The following AGFG2 variants were observed in gnomAD, a reference collection of about 807,000 sequenced individuals.
AGFG2 encodes the protein ArfGAP with FG repeats 2.
AGFG2 carries 31 observed loss-of-function variants against 48.0 expected under a neutral mutation model. The ratio of observed to expected loss-of-function variants is 0.65; its 90% confidence interval spans 0.49 to 0.87. The LOEUF is 0.87. AGFG2 is among the 40% of genes least tolerant of loss of function. The pLI, the probability that AGFG2 is intolerant of heterozygous loss-of-function variation, is 0.00. For missense variants in AGFG2, 599 were observed against 632.6 expected (o/e 0.95, Z 0.57); for synonymous variants, 229 against 260.8 (o/e 0.88, Z 1.18).
chr7:100,565,886 G>C lies in AGFG2; in HGVS notation c.*895G>C, dbSNP rs1213603270. 2 of 98,750 alleles carry C rather than the reference G, an allele frequency of 2.0e-5. No homozygotes were observed. The highest frequency in any genetic ancestry group is 3.7e-5 in the Non-Finnish European group (2 of 53,878). 6.1% of individuals were successfully genotyped at this position (98,750 alleles called of 1,614,324 possible). A position where few individuals can be genotyped will look rare whatever the true frequency, so the allele number is the denominator to read the frequency against. ...AGGGAAAGGCTTTGTGCAATTGCCTGGTCTTTTTTTTTTTTTTTTTTTCTC... is the reference window on the plus strand; with the variant it reads ...AGGGAAAGGCTTTGTGCAATTGCCTCGTCTTTTTTTTTTTTTTTTTTTCTC... On this transcript the variant is annotated 3_prime_UTR_variant, in exon 12 of 12. Transcript: ENST00000300176.
chr7:100,565,073 C>A lies in AGFG2; in HGVS notation c.*82C>A. On this transcript the variant is annotated 3_prime_UTR_variant, in exon 12 of 12. Transcript: ENST00000300176. The stretch of plus-strand genomic sequence containing the variant: ...GCTCTGGTGACCACTTGCCTGTGGG[C>A]ATTTCTATGGGCCTTGGGGATGGTG... The A allele has an allele frequency of 6.9e-7, 1 of 1,455,818 alleles. No individual in the cohort carries two copies. The highest frequency in any genetic ancestry group is 9.7e-7 in the Non-Finnish European group (1 of 1,036,206). 90.2% of individuals were successfully genotyped at this position (1,455,818 alleles called of 1,614,324 possible).
chr7:100,556,552 C>T (rs1800762436), intron 6 of AGFG2: 1 of 1,284,250 alleles, frequency 7.8e-7, no homozygotes, highest in Non-Finnish European at 1.0e-6. Flanking sequence ...TTTCTTTCTC[C>T]CTTCCTCTAC....
At chr7:100,552,466 G>A (rs1056245343) in intron 3 of AGFG2, among the ~76,000 whole-genome samples, 27 of 152,162 alleles carry the variant, frequency 1.8e-4, no homozygotes, top group Non-Finnish European at 3.5e-4. Context: ...GTTCCCTGAG[G>A]ATACCATGGG....
chr7:100,559,980 T>C (rs1160136392), intron 6 of AGFG2, among the ~76,000 whole-genome samples: 2 of 152,180 alleles, frequency 1.3e-5, no homozygotes, highest in African/African-American at 4.8e-5. Flanking sequence ...AGGCACAGCA[T>C]GGCCTGCAGC....
At chr7:100,554,722 G>T (rs1800722560) in intron 5 of AGFG2, among the ~76,000 whole-genome samples, 1 of 151,890 alleles carries the variant, frequency 6.6e-6, no homozygotes, top group Non-Finnish European at 1.5e-5. Flanking sequence ...ATCACCTGAG[G>T]TCAGGAGTTC....
At chr7:100,560,652 C>A (rs1800846368) in intron 6 of AGFG2, among the ~76,000 whole-genome samples, 1 of 152,184 alleles carries the variant, frequency 6.6e-6, no homozygotes, top group Non-Finnish European at 1.5e-5. Flanking sequence ...CACTGTCTTA[C>A]AAGTGCCGAC....
rs1376735608 is a variant in AGFG2, at chr7:100,539,404, G to A, written c.58G>A (p.Ala20Thr). The A allele has an allele frequency of 1.6e-5, 21 of 1,313,646 alleles. No individual in the cohort carries two copies. The highest frequency in any genetic ancestry group is 2.0e-5 in the Non-Finnish European group (21 of 1,028,406). The allele number at this position is 1,313,646 out of a possible 1,614,324, so 81.4% of individuals were successfully genotyped here. Residue 20 changes from alanine (A) to threonine (T), a missense_variant, in exon 1 of 12, where the codon GCG becomes ACG. By Grantham distance (58) the Ala-to-Thr change is moderately conservative. Coordinates refer to ENST00000300176, the MANE Select transcript of AGFG2 (RefSeq NM_006076.5). ...GGGCGGCGGGGTCAGCGGGGGCAAG[G>A]CGGAGGCGGAGGCGGCCTCGGAGGT... ...GPGGGVSGGKAEAEAASEVWC... is the reference protein window; with the variant it reads ...GPGGGVSGGKTEAEAASEVWC...
At chr7:100,544,191 A>G (rs1296967849) in intron 1 of AGFG2, among the ~76,000 whole-genome samples, 3 of 152,198 alleles carry the variant, frequency 2.0e-5, no homozygotes, top group Non-Finnish European at 4.4e-5. Context: ...TTTTTTCAGC[A>G]AAGTATGACA....
intron 6 of AGFG2, among the ~76,000 whole-genome samples, chr7:100,558,799 G>A (rs1300538462): frequency 2.0e-5 from 3 of 152,108 alleles, no homozygotes; most frequent in East Asian, 1.9e-4. Flanking sequence ...CTCCACGGAT[G>A]TCCCAAGCAT....
intron 6 of AGFG2, chr7:100,556,334 A>C: frequency 4.9e-6 from 1 of 203,650 alleles, no homozygotes; most frequent in East Asian, 1.4e-4. Flanking sequence ...GAACGAACAA[A>C]CAAAACCAAA....
chr7:100,561,753 G>A (rs979139102), intron 6 of AGFG2, among the ~76,000 whole-genome samples: 4 of 152,244 alleles, frequency 2.6e-5, no homozygotes, highest in Non-Finnish European at 2.9e-5. Flanking sequence ...GCGGCCTCCC[G>A]AGAAGCAGCG....
chr7:100,544,472 A>G (rs1212244999), intron 1 of AGFG2, among the ~76,000 whole-genome samples: 3 of 152,098 alleles, frequency 2.0e-5, no homozygotes, highest in Non-Finnish European at 2.9e-5. Flanking sequence ...GAGGAAAGGT[A>G]CAGTATGTTC....
intron 6 of AGFG2, among the ~76,000 whole-genome samples, chr7:100,561,739 TG>T (rs1749188152): frequency 6.6e-6 from 1 of 152,204 alleles, no homozygotes; most frequent in South Asian, 2.1e-4. Context: ...CTCAGGGCAC[TG>T]GGGCGGCCTC....
At chr7:100,544,027 A>G (rs1210020811) in intron 1 of AGFG2, among the ~76,000 whole-genome samples, 1 of 152,238 alleles carries the variant, frequency 6.6e-6, no homozygotes, top group African/African-American at 2.4e-5. Flanking sequence ...GCTGCTAAAA[A>G]GCATCTATTT....
chr7:100,563,824 C>G lies in AGFG2; in HGVS notation c.1172-10C>G, dbSNP rs376630054. 1.1e-5 allele frequency: 17 copies of G among 1,610,832 alleles called. No homozygotes were observed. The highest frequency in any genetic ancestry group is 1.4e-5 in the Non-Finnish European group (17 of 1,179,936). On this transcript the variant is annotated splice_polypyrimidine_tract_variant and intron_variant, in intron 9 of 11. Transcript: ENST00000300176. Reference sequence around the variant, plus strand: ...AAGTTCACCTGAGCCTCCCGTCTTTCACTCCATAGGGCCCGGCTTTGGGAT... The same window carrying G: ...AAGTTCACCTGAGCCTCCCGTCTTTGACTCCATAGGGCCCGGCTTTGGGAT...
intron 1 of AGFG2, among the ~76,000 whole-genome samples, chr7:100,543,917 T>C (rs994141685): frequency 2.8e-4 from 43 of 152,238 alleles, no homozygotes; most frequent in African/African-American, 1.0e-3. Flanking sequence ...TGTGGATCTG[T>C]TTAATTTCCC....
At position 100,563,925 on chromosome 7, in the gene AGFG2, G is replaced by A. The variant is rs752149049; in HGVS notation, c.1263G>A (p.Leu421=). The change falls in exon 10 of 12, where the codon CTG becomes CTA. Residue 421 remains leucine, a synonymous_variant. Transcript: ENST00000300176. ...GAFASSFPAP[L]FPPQTPLVQQ... ...TTGCCAGCTCCTTCCCAGCACCGCT[G>A]TTCCCCCCGCAGACCCCGCTTGTTC... 1.8e-5 allele frequency: 29 copies of A among 1,608,914 alleles called. No homozygotes were observed. The highest frequency in any genetic ancestry group is 2.4e-5 in the Non-Finnish European group (28 of 1,179,998).
intron 1 of AGFG2, among the ~76,000 whole-genome samples, chr7:100,540,258 C>A (rs1298336841): frequency 6.6e-6 from 1 of 152,086 alleles, no homozygotes. Flanking sequence ...AAAACTCTTA[C>A]GAAATCTAAG....
intron 5 of AGFG2, among the ~76,000 whole-genome samples, chr7:100,555,263 GTTTTTTTTTTTT>G (rs1166680394): frequency 4.5e-4 from 34 of 75,178 alleles, no homozygotes; most frequent in African/African-American, 1.6e-3. Flanking sequence ...TGTGTGTGTG[GTTTTTTTTTTTT>G]TTTTTTTTTT....
Sources: allele counts gnomAD v4.1 joint callset (sites outside exome capture counted in the v4.1 genomes callset), GRCh38; gene constraint gnomAD v4.1.1; transcripts MANE v1.5; gene names NCBI Gene and HGNC (gene_info 2026-07-23, HGNC 2026-07-21).